Variants in ORC4 observed in about 807,000 individuals in gnomAD.
ORC4 encodes the protein origin recognition complex, subunit 4 homolog.
In ORC4, 55 loss-of-function variants were observed where a neutral mutation model predicts 63.9. The ratio of observed to expected loss-of-function variants is 0.86; its 90% CI spans 0.69 to 1.08. The LOEUF is 1.08. Ranked by LOEUF, ORC4 falls within the 50% of genes least tolerant of loss-of-function variation. The pLI is 0.00. For synonymous variants in ORC4, 150 were observed against 168.5 expected, an observed-to-expected ratio of 0.89 and a Z score of 0.85; for missense variants, 511 against 504.4, an observed-to-expected ratio of 1.01 and a Z score of -0.13.
chr2:147,996,232 A>G (rs1691964808), intron 1 of ORC4, among the ~76,000 whole-genome samples: 1 of 152,134 alleles, frequency 6.6e-6, no homozygotes, highest in Admixed American at 6.6e-5. Flanking sequence ...TGAACCCGGG[A>G]GGTGGAAGTT....
At chr2:147,985,357 C>T (rs1254832944) in intron 1 of ORC4, among the ~76,000 whole-genome samples, 3 of 152,092 alleles carry the variant, frequency 2.0e-5, no homozygotes, top group South Asian at 4.2e-4. Flanking sequence ...CCACCATGCC[C>T]GGCTAATTTT....
chr2:147,977,587 C>T (rs1224079651), intron 1 of ORC4, among the ~76,000 whole-genome samples: 1 of 152,198 alleles, frequency 6.6e-6, no homozygotes, highest in African/African-American at 2.4e-5. Context: ...GAGGGCAGAT[C>T]TTCATTCACG....
At chr2:148,013,198 G>C (rs1176921163) in intron 1 of ORC4, among the ~76,000 whole-genome samples, 1 of 151,980 alleles carries the variant, frequency 6.6e-6, no homozygotes, top group Non-Finnish European at 1.5e-5. Context: ...TCAATCAATG[G>C]ATGGATAAAG....
intron 1 of ORC4, among the ~76,000 whole-genome samples, chr2:148,011,196 T>C (rs1422886987): frequency 6.6e-6 from 1 of 152,132 alleles, no homozygotes; most frequent in African/African-American, 2.4e-5. Context: ...TACAGGCCAG[T>C]ATCTCTGATG....
rs1374102170 is a variant in ORC4 at position 147,930,741 on chromosome 2, A to G, written c.*4769T>C. The G allele has an allele frequency of 1.3e-5, 2 of 152,498 alleles. No homozygotes were observed. Among genetic ancestry groups the G allele is most frequent in the African/African-American group, 4.8e-5 (2 of 41,424 alleles). 9.4% of individuals were successfully genotyped at this position (152,498 alleles called of 1,614,324 possible). ...AAATCCCCATAAAACCCCACCTTGGATAAGTGATTGTTAAATATTGTACAA... is the reference window on the plus strand; with the variant it reads ...AAATCCCCATAAAACCCCACCTTGGGTAAGTGATTGTTAAATATTGTACAA... On this transcript the variant is annotated 3_prime_UTR_variant, in exon 14 of 14. Coordinates refer to ENST00000392857, the MANE Select transcript of ORC4 (RefSeq NM_181741.4).
chr2:148,005,714 C>T (rs1011437695), intron 1 of ORC4, among the ~76,000 whole-genome samples: 3 of 139,294 alleles, frequency 2.2e-5, no homozygotes, highest in East Asian at 4.4e-4. Flanking sequence ...CACAGTGGTA[C>T]ATGCCCATAA....
chr2:147,987,548 T>C (rs1414209878), intron 1 of ORC4, among the ~76,000 whole-genome samples: 2 of 152,050 alleles, frequency 1.3e-5, no homozygotes, highest in Non-Finnish European at 2.9e-5. Flanking sequence ...TCTAGTATTA[T>C]GAGCATCTTA....
At chr2:148,015,098 C>T (rs1001166803) in intron 1 of ORC4, among the ~76,000 whole-genome samples, 2 of 150,528 alleles carry the variant, frequency 1.3e-5, no homozygotes, top group Non-Finnish European at 3.0e-5. Context: ...CCCCCACAAC[C>T]ACACTTGACT....
Position 147,932,642 on chromosome 2 carries a change from A to T in ORC4, c.*2868T>A, listed in dbSNP as rs1687833425. 6.6e-6 allele frequency: 1 copy of T among 152,136 alleles called. No homozygotes were observed. The highest frequency in any genetic ancestry group is 1.5e-5 in the Non-Finnish European group (1 of 68,034). The allele number at this position is 152,136 out of a possible 1,614,324, so 9.4% of individuals were successfully genotyped here. A position where few individuals can be genotyped will look rare whatever the true frequency, so the allele number is the denominator to read the frequency against. On this transcript the variant is annotated 3_prime_UTR_variant, in exon 14 of 14. Coordinates refer to ENST00000392857, the MANE Select transcript of ORC4 (RefSeq NM_181741.4). ...ATGGCATTTCCCTCTATTATCGTCT[A>T]AACAGATTATATTCCCACTAAAGTA...
At chr2:147,987,205 T>C (rs1691258179) in intron 1 of ORC4, among the ~76,000 whole-genome samples, 1 of 151,240 alleles carries the variant, frequency 6.6e-6, no homozygotes, top group Non-Finnish European at 1.5e-5. Flanking sequence ...AAAAATCTCT[T>C]GGGTTTAATA....
At chr2:147,981,197 C>T (rs908822186) in intron 1 of ORC4, among the ~76,000 whole-genome samples, 1 of 152,166 alleles carries the variant, frequency 6.6e-6, no homozygotes, top group Non-Finnish European at 1.5e-5. Flanking sequence ...AGGCGCCCCT[C>T]GCATGTCTGA....
chr2:147,944,506 C>A (rs1293503515), intron 9 of ORC4, among the ~76,000 whole-genome samples: 1 of 151,826 alleles, frequency 6.6e-6, no homozygotes, highest in Non-Finnish European at 1.5e-5. Context: ...TCACCACAGC[C>A]CTTTGAGAAA....
At position 147,952,420 on chromosome 2, in the gene ORC4, G is replaced by A; in HGVS notation, c.541C>T (p.Gln181Ter). 3 of 1,610,436 alleles carry A rather than the reference G, an allele frequency of 1.9e-6. No homozygotes were observed. Among genetic ancestry groups the A allele is most frequent in the Admixed American group, 1.7e-5 (1 of 60,018 alleles). Residue 181 changes from glutamine to a stop codon, truncating the protein, a stop_gained, in exon 8 of 14, where the codon CAG (glutamine) becomes TAG (stop). Transcript: ENST00000392857. LOFTEE classifies it high-confidence loss of function. The stretch of plus-strand genomic sequence containing the variant: ...ACTGCTATTGGGGTCTGTGCAGACT[G>A]AGAAATGTCAAAAAGATTATAGAGA... Reference protein sequence around the residue: ...TLLYNLFDISQSAQTPIAVIG... With the variant: ...TLLYNLFDIS
chr2:147,971,519 A>G (rs1466375971), intron 4 of ORC4, among the ~76,000 whole-genome samples: 1 of 151,994 alleles, frequency 6.6e-6, no homozygotes, highest in African/African-American at 2.4e-5. Context: ...GCTCAACAGC[A>G]TATGTCATTA....
chr2:147,945,637 A>T lies in ORC4; in HGVS notation c.763-2115T>A, dbSNP rs547363078. On this transcript the variant is annotated intron_variant, in intron 9 of 13. Transcript: ENST00000392857. Reference sequence around the variant, plus strand: ...AGAGTCTACTTTGCTTATTTGACTCATTTGAAGTAGGGCTAAAACAAACCT... The same window carrying T: ...AGAGTCTACTTTGCTTATTTGACTCTTTTGAAGTAGGGCTAAAACAAACCT... Among the ~76,000 whole-genome samples, 126 of 152,232 alleles carry T rather than the reference A, an allele frequency of 8.3e-4. 1 individual carries two copies. Among genetic ancestry groups the T allele is most frequent in the African/African-American group, 2.5e-3 (103 of 41,568 alleles).
At chr2:148,005,449 T>G (rs1247175468) in intron 1 of ORC4, among the ~76,000 whole-genome samples, 1 of 151,946 alleles carries the variant, frequency 6.6e-6, no homozygotes, top group Non-Finnish European at 1.5e-5. Flanking sequence ...AAATACCTAA[T>G]GTAGATGACA....
chr2:148,014,307 G>A (rs771089685), intron 1 of ORC4, among the ~76,000 whole-genome samples: 34 of 152,278 alleles, frequency 2.2e-4, no homozygotes, highest in South Asian at 4.1e-4. Flanking sequence ...TAGGATAAGA[G>A]GAAATTGAAG....
intron 4 of ORC4, chr2:147,960,347 T>C: frequency 1.0e-6 from 1 of 978,470 alleles, no homozygotes; most frequent in Non-Finnish European, 1.2e-6. Flanking sequence ...CTTCAAATAA[T>C]GTTAGTTCTA....
intron 1 of ORC4, among the ~76,000 whole-genome samples, chr2:148,019,054 T>G (rs1346212244): frequency 1.3e-5 from 1 of 78,540 alleles, no homozygotes; most frequent in Non-Finnish European, 3.1e-5. Flanking sequence ...TTGCTGGTAT[T>G]TTTTTTTTTC....
Sources: allele counts gnomAD v4.1 joint callset (sites outside exome capture counted in the v4.1 genomes callset), GRCh38; gene constraint gnomAD v4.1.1; transcripts MANE v1.5; gene names NCBI Gene and HGNC (gene_info 2026-07-23, HGNC 2026-07-21).